COL5A2: variants seen among roughly 807,000 people sequenced by gnomAD.
The protein encoded by COL5A2 is collagen type V alpha 2 chain.
A neutral mutation model predicts 208.2 loss-of-function variants in COL5A2; 23 were observed. The ratio of observed to expected loss-of-function variants is 0.11; its 90% CI spans 0.08 to 0.16. The LOEUF is 0.16. COL5A2 is among the 10% of genes least tolerant of loss of function. The pLI, the probability that COL5A2 is intolerant of heterozygous loss-of-function variation, is 1.00. For missense variants in COL5A2, 1,590 were observed against 1,956.4 expected, an observed-to-expected ratio of 0.81 and a Z score of 3.53; for synonymous variants, 625 against 628.5, an observed-to-expected ratio of 0.99 and a Z score of 0.08.
At chr2:189,305,799 G>A in the COL5A2 span, among the ~76,000 whole-genome samples, 21,267 of 139,556 alleles carry the variant, frequency 0.15, 1,930 homozygotes, top group South Asian at 0.24. Flanking sequence ...TCCTGGAAGA[G>A]AGAGATATTC....
chr2:189,056,822 T>C (rs778152317), intron 35 of COL5A2, 151 bp downstream of exon 35: 31 of 764,498 alleles, frequency 4.1e-5, no homozygotes, highest in Non-Finnish European at 5.9e-5. Flanking sequence ...TAAACCGTGG[T>C]TGAATCACAG....
At chr2:189,354,023 T>G in the COL5A2 span, among the ~76,000 whole-genome samples, 2 of 152,198 alleles carry the variant, frequency 1.3e-5, no homozygotes, top group African/African-American at 4.8e-5. Context: ...AAAGGCCTTT[T>G]CTGCATCTAT....
chr2:189,371,650 G>A, the COL5A2 span, among the ~76,000 whole-genome samples: 544 of 152,288 alleles, frequency 3.6e-3, 2 homozygotes, highest in African/African-American at 0.012. Flanking sequence ...ATGATGACTT[G>A]GGGTATCTGG....
At chr2:189,044,609 T>C (rs1276916267) in intron 47 of COL5A2, among the ~76,000 whole-genome samples, 1 of 152,192 alleles carries the variant, frequency 6.6e-6, no homozygotes, top group Non-Finnish European at 1.5e-5. Context: ...AATATGGCCA[T>C]GATTTTCAAA....
upstream of COL5A2, among the ~76,000 whole-genome samples, chr2:189,229,735 T>C (rs1689458345): frequency 6.6e-6 from 1 of 151,772 alleles, no homozygotes; most frequent in African/African-American, 2.4e-5. Flanking sequence ...AGAGTTAAGA[T>C]TATTAAAATG....
chr2:189,330,320 A>G, the COL5A2 span, among the ~76,000 whole-genome samples: 9 of 152,152 alleles, frequency 5.9e-5, no homozygotes, highest in Non-Finnish European at 1.0e-4. Flanking sequence ...AAGGCTAAAC[A>G]CAGGGAATGA....
At chr2:189,094,219 T>C (rs1686850991) in intron 6 of COL5A2, among the ~76,000 whole-genome samples, 1 of 152,130 alleles carries the variant, frequency 6.6e-6, no homozygotes, top group Admixed American at 6.5e-5. Context: ...AATTTACTGT[T>C]GCACAGATTA....
the COL5A2 span, among the ~76,000 whole-genome samples, chr2:189,231,498 C>T: frequency 0.016 from 2,417 of 151,692 alleles, 46 homozygotes; most frequent in Admixed American, 0.026. Flanking sequence ...AAATGTTTTA[C>T]ACTGGGGAAA....
At chr2:189,277,658 T>C in the COL5A2 span, among the ~76,000 whole-genome samples, 1 of 152,126 alleles carries the variant, frequency 6.6e-6, no homozygotes, top group Admixed American at 6.6e-5. Flanking sequence ...GGACACACAA[T>C]ATATTTTTAA....
chr2:189,094,676 T>C (rs982014778), intron 6 of COL5A2, among the ~76,000 whole-genome samples: 3 of 114,098 alleles, frequency 2.6e-5, no homozygotes, highest in South Asian at 3.0e-4. Context: ...AGATCTAGTA[T>C]ATTTCCCATT....
chr2:189,310,320 C>T, the COL5A2 span, among the ~76,000 whole-genome samples: 1 of 152,072 alleles, frequency 6.6e-6, no homozygotes, highest in South Asian at 2.1e-4. Flanking sequence ...TGAAAAGGTG[C>T]TCAACACCAC....
chr2:189,068,703 T>TA (rs1559088699), intron 19 of COL5A2, 83 bp downstream of exon 19: 12 of 986,542 alleles, frequency 1.2e-5, no homozygotes, highest in Non-Finnish European at 1.9e-5. Flanking sequence ...ATGTATCAAT[T>TA]AAAAAAATAG....
rs1686069554 is a variant in COL5A2 at position 189,063,040 on chromosome 2, T to C, written c.1893A>G (p.Glu631=). 6.2e-7 allele frequency: 1 copy of C among 1,614,226 alleles called. No homozygotes were observed. The highest frequency in any genetic ancestry group is 8.5e-7 in the Non-Finnish European group (1 of 1,180,028). The part of the protein sequence containing the change: ...GSSGDPGKPG[E]AGNAGVPGQR... The stretch of plus-strand genomic sequence containing the variant: ...GCCCAGGAACTCCAGCATTTCCTGC[T>C]TCTCCAGGTTTCCCAGGGTCACCCT... The change falls in exon 28 of 54, where the codon GAA becomes GAG. Residue 631 remains glutamate, a synonymous_variant. Coordinates refer to ENST00000374866, the MANE Select transcript of COL5A2 (RefSeq NM_000393.5).
intron 1 of COL5A2, among the ~76,000 whole-genome samples, chr2:189,151,476 C>T (rs1167422488): frequency 6.6e-6 from 1 of 152,112 alleles, no homozygotes; most frequent in African/African-American, 2.4e-5. Flanking sequence ...GAATCCATGA[C>T]TGAAAACATA....
At chr2:189,422,157 A>G in the COL5A2 span, among the ~76,000 whole-genome samples, 1 of 152,322 alleles carries the variant, frequency 6.6e-6, no homozygotes, top group South Asian at 2.1e-4. Context: ...AACACCAGAG[A>G]GAAAAAATAA....
the COL5A2 span, among the ~76,000 whole-genome samples, chr2:189,247,162 G>A: frequency 3.9e-5 from 6 of 152,266 alleles, no homozygotes; most frequent in East Asian, 1.2e-3. Context: ...AAACGGCCAT[G>A]GACCAGTTGT....
upstream of COL5A2, among the ~76,000 whole-genome samples, chr2:189,226,915 G>C (rs1471368138): frequency 6.6e-6 from 1 of 152,138 alleles, no homozygotes; most frequent in African/African-American, 2.4e-5. Flanking sequence ...TGCTCAGATA[G>C]GATGGTCTGA....
the COL5A2 span, among the ~76,000 whole-genome samples, chr2:189,433,275 G>T: frequency 6.6e-6 from 1 of 152,120 alleles, no homozygotes; most frequent in Non-Finnish European, 1.5e-5. Flanking sequence ...AAAAGAACTA[G>T]AGAAGCAAGA....
the COL5A2 span, among the ~76,000 whole-genome samples, chr2:189,281,006 C>A: frequency 2.6e-5 from 4 of 151,830 alleles, no homozygotes; most frequent in Admixed American, 1.3e-4. Context: ...TTGCACCAAT[C>A]TAATACATTA....
Sources: allele counts gnomAD v4.1 joint callset (sites outside exome capture counted in the v4.1 genomes callset), GRCh38; gene constraint gnomAD v4.1.1; transcripts MANE v1.5; gene names NCBI Gene and HGNC (gene_info 2026-07-23, HGNC 2026-07-21).